Variants in LNPEP observed in about 807,000 individuals in gnomAD.
The protein encoded by LNPEP is leucyl and cystinyl aminopeptidase.
Under a neutral mutation model 120.6 loss-of-function variants are expected in LNPEP, and 64 were observed. The ratio of observed to expected loss-of-function variants is 0.53; its 90% CI spans 0.43 to 0.65. The LOEUF is 0.65. Among genes scored for constraint, LNPEP ranks in the 30% least tolerant of loss-of-function variants. The probability of loss-of-function intolerance (pLI) is 0.00; values close to 1 mark genes in which losing one functional copy is unlikely to be tolerated. For synonymous variants in LNPEP, 435 were observed against 425.4 expected (o/e 1.02, Z -0.28); for missense variants, 1,057 against 1,200.0 (o/e 0.88, Z 1.76).
In LNPEP at chr5:97,035,394, TTTAC is replaced by T. The variant is rs1260121590; in HGVS notation, c.*6868_*6871del. ...TAGGAAGTAGAATAGTTGTGTGTTG[TTTAC>T]TTACTTGTCTGTTTTAGAGAGATTT... On this transcript the variant is annotated 3_prime_UTR_variant, in exon 18 of 18. Transcript: ENST00000231368. The T allele has an allele frequency of 6.6e-6, 1 of 152,224 alleles. No homozygotes were observed. The highest frequency in any genetic ancestry group is 2.1e-4 in the South Asian group (1 of 4,830). The allele number at this position is 152,224 out of a possible 1,614,324, so 9.4% of individuals were successfully genotyped here.
chr5:96,941,655 T>C (rs867720888), intron 1 of LNPEP, among the ~76,000 whole-genome samples: 2 of 152,144 alleles, frequency 1.3e-5, no homozygotes, highest in Non-Finnish European at 2.9e-5. Flanking sequence ...TGTTGCTTAT[T>C]GCCTTGGTGT....
chr5:96,954,931 T>C (rs1789427625), intron 1 of LNPEP, among the ~76,000 whole-genome samples: 2 of 149,348 alleles, frequency 1.3e-5, no homozygotes, highest in South Asian at 2.1e-4. Flanking sequence ...TACCGGCGCC[T>C]GCCACCACGC....
chr5:96,995,665 C>A (rs444309), intron 6 of LNPEP, among the ~76,000 whole-genome samples: 89,366 of 151,218 alleles, frequency 0.59, 26,429 homozygotes, highest in Middle Eastern at 0.69. Context: ...AGTAGCTAGG[C>A]CAACAGGCAT....
At chr5:96,998,188 T>C in intron 8 of LNPEP, 43 bp downstream of exon 8, 1 of 1,364,368 alleles carries the variant, frequency 7.3e-7, no homozygotes, top group Non-Finnish European at 1.0e-6. Context: ...GGTTTAAAAT[T>C]TCGTATAATT....
At chr5:96,975,385 C>T (rs1789966639) in intron 1 of LNPEP, among the ~76,000 whole-genome samples, 2 of 152,124 alleles carry the variant, frequency 1.3e-5, no homozygotes, top group Non-Finnish European at 2.9e-5. Flanking sequence ...AGGGAATTGA[C>T]ATAGACTTTT....
chr5:96,989,739 G>C (rs1490426025), intron 4 of LNPEP, among the ~76,000 whole-genome samples: 1 of 152,012 alleles, frequency 6.6e-6, no homozygotes, highest in African/African-American at 2.4e-5. Flanking sequence ...GTTGCTCTTA[G>C]AAAAGCTTTA....
intron 8 of LNPEP, among the ~76,000 whole-genome samples, chr5:97,002,080 A>T (rs1790666225): frequency 6.6e-6 from 1 of 152,202 alleles, no homozygotes; most frequent in Non-Finnish European, 1.5e-5. Context: ...CGGAGGTTGT[A>T]GTGAGTGGAG....
chr5:97,012,982 A>T (rs1790976015), intron 11 of LNPEP, among the ~76,000 whole-genome samples: 2 of 152,176 alleles, frequency 1.3e-5, no homozygotes, highest in Admixed American at 1.3e-4. Context: ...TGCTAACATG[A>T]CAAAAGACAG....
In LNPEP at chr5:97,013,702, A is replaced by G; in HGVS notation, c.2090A>G (p.Asn697Ser). 2 of 1,598,962 alleles carry G rather than the reference A, an allele frequency of 1.3e-6. No individual in the cohort carries two copies. The highest frequency in any genetic ancestry group is 1.1e-5 in the South Asian group (1 of 87,856). ...TGGGTCAAAGTGAATATAAACATGA[A>G]TGGTTATTATATTGTACACTATGCA... ...VLWVKVNINM[N>S]GYYIVHYADD... The change falls in exon 12 of 18, where the codon AAT (asparagine) becomes AGT (serine). Residue 697 changes from asparagine to serine, a missense_variant. By Grantham distance (46) the Asn-to-Ser change is conservative. Coordinates refer to ENST00000231368, the MANE Select transcript of LNPEP (RefSeq NM_005575.3).
chr5:96,940,614 C>T (rs1406161014), intron 1 of LNPEP, among the ~76,000 whole-genome samples: 3 of 152,164 alleles, frequency 2.0e-5, no homozygotes, highest in African/African-American at 4.8e-5. Context: ...AATAAATGTA[C>T]AGAAACTGTT....
chr5:96,958,429 TG>T (rs1789520181), intron 1 of LNPEP: 1 of 980,808 alleles, frequency 1.0e-6, no homozygotes, highest in South Asian at 4.7e-5. Context: ...TAACTCGAAA[TG>T]CCACAGCTGA....
rs983517035 is a variant in LNPEP, at chr5:97,029,112, G to A, written c.*579G>A. ...TTTTCTGAAAAAAAGTTTAAATAAT[G>A]TCTGTAACTATTGTGTTTTTTTCCT... On this transcript the variant is annotated 3_prime_UTR_variant, in exon 18 of 18. Coordinates refer to ENST00000231368, the MANE Select transcript of LNPEP (RefSeq NM_005575.3). The A allele has an allele frequency of 6.6e-6, 1 of 152,310 alleles. No individual in the cohort carries two copies. Among genetic ancestry groups the A allele is most frequent in the Non-Finnish European group, 1.5e-5 (1 of 68,024 alleles). The allele number at this position is 152,310 out of a possible 1,614,324, so 9.4% of individuals were successfully genotyped here.
intron 1 of LNPEP, among the ~76,000 whole-genome samples, chr5:96,939,726 G>A (rs548956910): frequency 1.1e-4 from 16 of 152,118 alleles, no homozygotes; most frequent in African/African-American, 3.9e-4. Flanking sequence ...GTTCAGATTG[G>A]TATCCAGTTG....
At chr5:96,951,601 C>T (rs934288947) in intron 1 of LNPEP, among the ~76,000 whole-genome samples, 5 of 151,186 alleles carry the variant, frequency 3.3e-5, no homozygotes, top group Non-Finnish European at 7.4e-5. Context: ...GTGTCGGGGG[C>T]GGGATGGGGG....
At position 97,029,003 on chromosome 5, in the gene LNPEP, A is replaced by G. The variant is rs906041546; in HGVS notation, c.*470A>G. ...AAAGTTAGCTCTGAAGAATATGGTA[A>G]CGAAGACAATAAAGCATGCACTGTA... On this transcript the variant is annotated 3_prime_UTR_variant, in exon 18 of 18. Transcript: ENST00000231368. 1 of 158,144 alleles carries G rather than the reference A, an allele frequency of 6.3e-6. No homozygotes were observed. Among genetic ancestry groups the G allele is most frequent in the African/African-American group, 2.4e-5 (1 of 41,504 alleles). The allele number at this position is 158,144 out of a possible 1,614,324, so 9.8% of individuals were successfully genotyped here.
At chr5:96,961,867 A>C (rs1209078588) in intron 1 of LNPEP, among the ~76,000 whole-genome samples, 2 of 152,160 alleles carry the variant, frequency 1.3e-5, no homozygotes, top group African/African-American at 4.8e-5. Context: ...GTAGATACAG[A>C]CTAACTGTAT....
intron 2 of LNPEP, 122 bp from the exon 3 acceptor site, chr5:96,984,958 C>G (rs942326785): frequency 2.0e-6 from 2 of 1,024,224 alleles, no homozygotes; most frequent in African/African-American, 3.2e-5. Context: ...CTCTGCCTTT[C>G]CCAGTTTATT....
At chr5:96,973,898 C>T (rs1242546405) in intron 1 of LNPEP, among the ~76,000 whole-genome samples, 1 of 152,046 alleles carries the variant, frequency 6.6e-6, no homozygotes, top group Non-Finnish European at 1.5e-5. Flanking sequence ...TAAATTGTAT[C>T]CCTCAATTGA....
intron 1 of LNPEP, chr5:96,936,748 TCCTGACCCTGCCGAGGTA>T (rs1255665489): frequency 6.6e-6 from 1 of 152,182 alleles, no homozygotes; most frequent in Non-Finnish European, 1.5e-5. Context: ...AGTGCCACCC[TCCTGACCCTGCCGAGGTA>T]CTCGGCAGGG....
Sources: gnomAD v4.1 joint callset for allele counts (sites outside exome capture counted in the v4.1 genomes callset) on GRCh38, gnomAD v4.1.1 for gene constraint, MANE v1.5 for transcripts, NCBI Gene and HGNC (gene_info 2026-07-23, HGNC 2026-07-21) for gene names.